The following PLBD2 variants were observed in gnomAD, a reference collection of about 807,000 sequenced individuals.
PLBD2 encodes putative aminopeptidase PLBD2.
In PLBD2, 51 loss-of-function variants were observed where a neutral mutation model predicts 68.3. The observed-to-expected ratio is 0.75, with a 90% CI of 0.60 to 0.94. The LOEUF (loss-of-function observed/expected upper bound fraction) is 0.94, where lower values mean the gene tolerates loss of function less well. PLBD2 is among the 40% of genes least tolerant of loss of function. PLBD2 has a pLI of 0.00. For synonymous variants in PLBD2, 314 were observed against 339.3 expected (o/e 0.93, Z 0.82); for missense variants, 729 against 792.2 (o/e 0.92, Z 0.96).
chr12:113,380,122 A>T (rs539270386), intron 5 of PLBD2, among the ~76,000 whole-genome samples: 13 of 151,976 alleles, frequency 8.6e-5, no homozygotes, highest in Non-Finnish European at 1.6e-4. Flanking sequence ...TTTTAGTGTT[A>T]TTTCTTTTAT....
chr12:113,373,952 C>T (rs1023495465), intron 3 of PLBD2, among the ~76,000 whole-genome samples: 3 of 148,688 alleles, frequency 2.0e-5, no homozygotes, highest in Non-Finnish European at 4.5e-5. Flanking sequence ...CATCCACCCA[C>T]CCATCCATTC....
At chr12:113,366,838 T>C (rs912216779) in intron 1 of PLBD2, among the ~76,000 whole-genome samples, 2 of 151,066 alleles carry the variant, frequency 1.3e-5, no homozygotes, top group Admixed American at 6.6e-5. Context: ...TTTTTCTTTT[T>C]CTAGACAGAG....
At position 113,390,606 on chromosome 12, in the gene PLBD2, C is replaced by G. The variant is rs1259290634; in HGVS notation, c.*1980C>G. 1 of 152,100 alleles carries G rather than the reference C, an allele frequency of 6.6e-6. No homozygotes were observed. Among genetic ancestry groups the G allele is most frequent in the Non-Finnish European group, 1.5e-5 (1 of 68,016 alleles). 9.4% of individuals were successfully genotyped at this position (152,100 alleles called of 1,614,324 possible). On this transcript the variant is annotated 3_prime_UTR_variant, in exon 12 of 12. Transcript: ENST00000280800. ...TCTACCCACTCACCCATCCATCCAACCTTCCAACCATTTATCCACCCATCC... is the reference window on the plus strand; with the variant it reads ...TCTACCCACTCACCCATCCATCCAAGCTTCCAACCATTTATCCACCCATCC...
chr12:113,374,674 C>A, intron 4 of PLBD2, 100 bp downstream of exon 4: 1 of 1,456,894 alleles, frequency 6.9e-7, no homozygotes. Context: ...CTCCCTGGCT[C>A]TGTGGCCTTG....
At chr12:113,362,945 C>G (rs1421123307) in intron 1 of PLBD2, among the ~76,000 whole-genome samples, 2 of 150,056 alleles carry the variant, frequency 1.3e-5, no homozygotes, top group African/African-American at 2.5e-5. Context: ...CCACTATACC[C>G]AGCTAATTTT....
intron 6 of PLBD2, among the ~76,000 whole-genome samples, chr12:113,383,859 C>T (rs1957519415): frequency 1.3e-5 from 2 of 151,586 alleles, no homozygotes; most frequent in South Asian, 2.1e-4. Context: ...GTTAGCCAGG[C>T]GTGGGGGCAC....
intron 1 of PLBD2, among the ~76,000 whole-genome samples, chr12:113,365,050 A>G (rs1179284901): frequency 2.6e-5 from 4 of 152,198 alleles, no homozygotes; most frequent in Middle Eastern, 3.4e-3. Flanking sequence ...CTCTGTCCTT[A>G]TCTGTGATGC....
intron 1 of PLBD2, among the ~76,000 whole-genome samples, chr12:113,365,603 G>A (rs1411789980): frequency 6.6e-6 from 1 of 151,978 alleles, no homozygotes; most frequent in Non-Finnish European, 1.5e-5. Context: ...GTGAGCCACC[G>A]AGCCCTGGCC....
chr12:113,370,456 ATTTTCTTTTTCTTTTCTTTTTTTTTTT>A (rs1957379352), intron 2 of PLBD2, among the ~76,000 whole-genome samples: 2 of 137,676 alleles, frequency 1.5e-5, no homozygotes, highest in African/African-American at 5.4e-5. Flanking sequence ...ACCTAGTGTA[ATTTTCTTTTTCTTTTCTTTTTTTTTTT>A]TTTTTTTTTT....
chr12:113,387,199 GC>G, intron 10 of PLBD2, 110 bp downstream of exon 10: 1 of 1,376,486 alleles, frequency 7.3e-7, no homozygotes, highest in Non-Finnish European at 9.6e-7. Context: ...GCCCCAGAGG[GC>G]CAGCAGGGGG....
intron 3 of PLBD2, among the ~76,000 whole-genome samples, chr12:113,373,822 T>C (rs1007914296): frequency 3.5e-5 from 5 of 142,846 alleles, no homozygotes; most frequent in African/African-American, 1.1e-4. Context: ...CACACACCCG[T>C]CCATCCATCA....
At chr12:113,363,261 C>T (rs143018197) in intron 1 of PLBD2, among the ~76,000 whole-genome samples, 38 of 152,096 alleles carry the variant, frequency 2.5e-4, no homozygotes, top group Middle Eastern at 3.4e-3. Context: ...ATGGTGAGAC[C>T]CTATCTCTGC....
intron 1 of PLBD2, among the ~76,000 whole-genome samples, chr12:113,364,436 G>A (rs1477813439): frequency 2.0e-5 from 3 of 151,110 alleles, no homozygotes; most frequent in Non-Finnish European, 2.9e-5. Flanking sequence ...CATCACACTC[G>A]CCGGGTCTCC....
chr12:113,384,820 C>T lies in PLBD2; in HGVS notation c.1119-31C>T. The T allele has an allele frequency of 6.3e-7, 1 of 1,592,504 alleles. No individual in the cohort carries two copies. Among genetic ancestry groups the T allele is most frequent in the African/African-American group, 1.3e-5 (1 of 74,586 alleles). On this transcript the variant is annotated intron_variant, in intron 7 of 11. Coordinates refer to ENST00000280800, the MANE Select transcript of PLBD2 (RefSeq NM_173542.4). The surrounding 1 kb of genome is among the most constrained non-coding windows in gnomAD (Gnocchi z 4.2). ...AAAGCTGGGGAGGTGGCTCCAGGCT[C>T]TGTTCAGTCCTCCCTTCCCCTGCCC... is the stretch of plus-strand genomic sequence containing the variant.
rs1957400764 is a variant in PLBD2 at position 113,372,779 on chromosome 12, C to G, written c.515C>G (p.Ser172Ter). The stretch of plus-strand genomic sequence containing the variant: ...GAGTGGATGCAGGAAGAGATGGAGT[C>G]AAACCCAGACTCACCTTACTGGCAC... ...NLEWMQEEME[S>*]NPDSPYWHQV... Residue 172 changes from serine (S) to a stop codon, truncating the protein, a stop_gained, in exon 3 of 12, where the codon TCA becomes TGA. Transcript: ENST00000280800. LOFTEE classifies it high-confidence loss of function. The surrounding 1 kb of genome is among the most constrained non-coding windows in gnomAD (Gnocchi z 4.2). 6.2e-7 allele frequency: 1 copy of G among 1,613,682 alleles called. No individual in the cohort carries two copies. The highest frequency in any genetic ancestry group is 8.5e-7 in the Non-Finnish European group (1 of 1,179,990).
intron 8 of PLBD2, 72 bp from the exon 9 acceptor site, chr12:113,385,128 GCCATCGGGGCTC>G (rs1957537870): frequency 6.8e-7 from 1 of 1,462,344 alleles, no homozygotes; most frequent in Non-Finnish European, 9.5e-7. Context: ...GCAATGGGGA[GCCATCGGGGCTC>G]CCCGAGCAGG....
intron 5 of PLBD2, among the ~76,000 whole-genome samples, chr12:113,375,894 C>T (rs1158659582): frequency 1.3e-5 from 2 of 152,154 alleles, no homozygotes. Context: ...TGCTCTGGTG[C>T]CCAGGCTGGA....
Position 113,358,826 on chromosome 12 carries a change from G to C in PLBD2, c.226G>C (p.Val76Leu). 6.6e-7 allele frequency: 1 copy of C among 1,514,792 alleles called. No individual in the cohort carries two copies. Among genetic ancestry groups the C allele is most frequent in the Non-Finnish European group, 8.8e-7 (1 of 1,133,420 alleles). The allele number at this position is 1,514,792 out of a possible 1,614,324, so 93.8% of individuals were successfully genotyped here. ...LDVSAGQLLMVDGRHPDAVAW... is the reference protein window; with the variant it reads ...LDVSAGQLLMLDGRHPDAVAW... ...CGTCTCGGCGGGCCAGCTGCTTATGGTGGACGGACGCCACCCTGACGCCGT... is the reference window on the plus strand; with the variant it reads ...CGTCTCGGCGGGCCAGCTGCTTATGCTGGACGGACGCCACCCTGACGCCGT... Residue 76 changes from valine to leucine, a missense_variant, in exon 1 of 12, where the codon GTG (valine) becomes CTG (leucine). Transcript: ENST00000280800.
intron 1 of PLBD2, chr12:113,359,582 A>G (rs1472264645): frequency 1.3e-5 from 2 of 152,240 alleles, no homozygotes; most frequent in African/African-American, 4.8e-5. Flanking sequence ...CCAGGCTGTC[A>G]TTCTGATGTG....
Sources: gnomAD v4.1 joint callset for allele counts (sites outside exome capture counted in the v4.1 genomes callset) on GRCh38, gnomAD v4.1.1 for gene constraint, Gnocchi (gnomAD v3.1) non-coding constraint, MANE v1.5 for transcripts, NCBI Gene and HGNC (gene_info 2026-07-23, HGNC 2026-07-21) for gene names.